The following HDAC9 variants were observed in gnomAD, a reference collection of about 807,000 sequenced individuals.
HDAC9 encodes MEF-2 interacting transcription repressor (MITR) protein.
A neutral mutation model predicts 139.4 loss-of-function variants in HDAC9; 41 were observed. The observed-to-expected ratio is 0.29, with a 90% CI of 0.23 to 0.38. HDAC9 has a LOEUF of 0.38. HDAC9 is among the 10% of genes least tolerant of loss of function. The pLI, the probability that HDAC9 is intolerant of heterozygous loss-of-function variation, is 1.00. For missense variants in HDAC9, 1,147 were observed against 1,297.0 expected (o/e 0.88, Z 1.78); for synonymous variants, 517 against 476.2 (o/e 1.09, Z -1.12).
At chr7:18,980,825 CTT>C (rs1487611896) in intron 25 of HDAC9, among the ~76,000 whole-genome samples, 14 of 148,026 alleles carry the variant, frequency 9.5e-5, no homozygotes, top group South Asian at 4.3e-4. Flanking sequence ...CCGTCTCCTT[CTT>C]CTTCTTTTTT....
intron 2 of HDAC9, among the ~76,000 whole-genome samples, chr7:18,247,157 T>C (rs1794607731): frequency 6.6e-6 from 1 of 151,904 alleles, no homozygotes; most frequent in African/African-American, 2.4e-5. Context: ...GGGATATGTC[T>C]GTCTGGAGTT....
At chr7:18,667,972 A>G (rs1795289152) in intron 12 of HDAC9, 2 of 970,492 alleles carry the variant, frequency 2.1e-6, no homozygotes, top group South Asian at 4.8e-5. Context: ...CTATTAAAAT[A>G]TTTATATTTC....
At chr7:18,904,508 C>G (rs1802017763) in intron 22 of HDAC9, among the ~76,000 whole-genome samples, 1 of 150,764 alleles carries the variant, frequency 6.6e-6, no homozygotes, top group Non-Finnish European at 1.5e-5. Context: ...TATTTATCAT[C>G]TGAGTTTCCT....
intron 8 of HDAC9, among the ~76,000 whole-genome samples, chr7:18,638,450 T>A (rs551479929): frequency 1.3e-5 from 2 of 152,046 alleles, no homozygotes; most frequent in African/African-American, 4.8e-5. Flanking sequence ...TGTATGGGTG[T>A]TCCATTCAGA....
intron 1 of HDAC9, among the ~76,000 whole-genome samples, chr7:18,449,608 T>G (rs1202358114): frequency 2.6e-5 from 4 of 152,122 alleles, no homozygotes; most frequent in Non-Finnish European, 5.9e-5. Flanking sequence ...AGGATGTATG[T>G]AGCACTGGAA....
intron 2 of HDAC9, among the ~76,000 whole-genome samples, chr7:18,233,628 A>T (rs939878452): frequency 1.1e-4 from 16 of 152,162 alleles, no homozygotes; most frequent in African/African-American, 3.9e-4. Flanking sequence ...GACTTTTGTG[A>T]CTAAAGTAAA....
At chr7:18,972,206 T>A (rs748404062) in intron 24 of HDAC9, among the ~76,000 whole-genome samples, 15 of 152,126 alleles carry the variant, frequency 9.9e-5, no homozygotes, top group Non-Finnish European at 1.9e-4. Flanking sequence ...CCACGATAAG[T>A]GAGAATGAGA....
intron 2 of HDAC9, among the ~76,000 whole-genome samples, chr7:18,249,710 A>C (rs1215090512): frequency 6.6e-6 from 1 of 151,934 alleles, no homozygotes; most frequent in African/African-American, 2.4e-5. Flanking sequence ...TTTTTCTGGG[A>C]GAGAACACCA....
At chr7:18,326,465 T>G (rs1003851054) in intron 1 of HDAC9, among the ~76,000 whole-genome samples, 3 of 152,044 alleles carry the variant, frequency 2.0e-5, no homozygotes, top group African/African-American at 7.2e-5. Context: ...GAGTAGATGC[T>G]TCACTTCTCT....
chr7:18,118,942 A>T (rs1406757620), intron 1 of HDAC9, among the ~76,000 whole-genome samples: 1 of 152,204 alleles, frequency 6.6e-6, no homozygotes, highest in Non-Finnish European at 1.5e-5. Flanking sequence ...TTAAGACGGC[A>T]TGAGTACCCC....
At chr7:18,317,163 C>T (rs1295120546) in intron 1 of HDAC9, among the ~76,000 whole-genome samples, 1 of 147,448 alleles carries the variant, frequency 6.8e-6, no homozygotes, top group Non-Finnish European at 1.5e-5. Context: ...CGCCACTGCA[C>T]TCCAGCCTGG....
At chr7:18,311,328 G>T (rs911388492) in intron 1 of HDAC9, among the ~76,000 whole-genome samples, 11 of 151,916 alleles carry the variant, frequency 7.2e-5, no homozygotes, top group African/African-American at 2.7e-4. Context: ...TGTATATATT[G>T]TATATGATTA....
intron 1 of HDAC9, among the ~76,000 whole-genome samples, chr7:18,098,430 C>T (rs1007735525): frequency 6.6e-6 from 1 of 152,126 alleles, no homozygotes; most frequent in South Asian, 2.1e-4. Flanking sequence ...TAGAATTTTC[C>T]ACTCATTTTC....
At chr7:18,414,067 G>A (rs935833861) in intron 1 of HDAC9, among the ~76,000 whole-genome samples, 2 of 152,106 alleles carry the variant, frequency 1.3e-5, no homozygotes, top group Non-Finnish European at 2.9e-5. Flanking sequence ...AATGAACGGC[G>A]TTTTAAAACT....
chr7:18,134,040 C>G (rs554217781), intron 1 of HDAC9, among the ~76,000 whole-genome samples: 2 of 150,722 alleles, frequency 1.3e-5, no homozygotes, highest in African/African-American at 4.9e-5. Flanking sequence ...CACAGTAAAA[C>G]TCAGCTTTGA....
At chr7:18,387,483 C>T (rs919066026) in intron 1 of HDAC9, among the ~76,000 whole-genome samples, 1 of 152,158 alleles carries the variant, frequency 6.6e-6, no homozygotes. Flanking sequence ...ATATTTTAAA[C>T]AGTTGTCGTG....
intron 2 of HDAC9, among the ~76,000 whole-genome samples, chr7:18,212,749 C>T (rs1252434513): frequency 6.6e-6 from 1 of 152,164 alleles, no homozygotes; most frequent in Non-Finnish European, 1.5e-5. Context: ...AGGTTTCAGA[C>T]TGTCATATAC....
intron 2 of HDAC9, among the ~76,000 whole-genome samples, chr7:18,524,904 T>C (rs553621312): frequency 1.4e-5 from 2 of 138,630 alleles, no homozygotes; most frequent in South Asian, 2.3e-4. Context: ...ACACACACAT[T>C]ACAGATAAGT....
chr7:18,811,228 T>A (rs1194464359), intron 17 of HDAC9, among the ~76,000 whole-genome samples: 1 of 151,796 alleles, frequency 6.6e-6, no homozygotes, highest in Non-Finnish European at 1.5e-5. Flanking sequence ...GTTACTTTTT[T>A]TCTGTTTCCT....
Sources: gnomAD v4.1 joint callset for allele counts (sites outside exome capture counted in the v4.1 genomes callset) on GRCh38, gnomAD v4.1.1 for gene constraint, MANE v1.5 for transcripts, NCBI Gene and HGNC (gene_info 2026-07-23, HGNC 2026-07-21) for gene names.